TSHZ2: variants seen among roughly 807,000 people sequenced by gnomAD.
The protein encoded by TSHZ2 is teashirt homolog 2.
Under a neutral mutation model 74.4 loss-of-function variants are expected in TSHZ2, and 21 were observed. That is an observed-to-expected ratio of 0.28 (90% CI 0.20 to 0.41). The LOEUF (loss-of-function observed/expected upper bound fraction) is 0.41. Among genes scored for constraint, TSHZ2 ranks in the 10% least tolerant of loss-of-function variants. The pLI is 1.00. For missense variants in TSHZ2, 1,244 were observed against 1,293.5 expected (o/e 0.96, Z 0.59); for synonymous variants, 540 against 515.3 (o/e 1.05, Z -0.65).
intron 2 of TSHZ2, among the ~76,000 whole-genome samples, chr20:53,296,035 CAAAAAAA>C (rs35311773): frequency 2.0e-5 from 2 of 97,888 alleles, no homozygotes; most frequent in Admixed American, 1.1e-4. Context: ...GTAATGACTG[CAAAAAAA>C]AAAAAAAAAA....
At chr20:53,123,135 T>C (rs1347829936) in intron 1 of TSHZ2, among the ~76,000 whole-genome samples, 1 of 152,260 alleles carries the variant, frequency 6.6e-6, no homozygotes, top group East Asian at 1.9e-4. Flanking sequence ...AGCTCTGTGC[T>C]GGATCTCAGT....
At chr20:53,262,644 G>C (rs567184460) in intron 2 of TSHZ2, among the ~76,000 whole-genome samples, 4 of 152,202 alleles carry the variant, frequency 2.6e-5, no homozygotes, top group Admixed American at 6.5e-5. Context: ...TTTTAAATCA[G>C]TCATGATGCC....
chr20:53,337,412 G>T (rs943720733), intron 2 of TSHZ2, among the ~76,000 whole-genome samples: 7 of 152,146 alleles, frequency 4.6e-5, no homozygotes, highest in Admixed American at 4.6e-4. Context: ...TTCTAACAAG[G>T]TTTTGCCTTT....
chr20:53,393,830 A>G (rs745476662), intron 2 of TSHZ2, among the ~76,000 whole-genome samples: 4 of 152,218 alleles, frequency 2.6e-5, no homozygotes, highest in Admixed American at 2.0e-4. Flanking sequence ...GGACTCTACT[A>G]TTTTTACAGC....
intron 1 of TSHZ2, among the ~76,000 whole-genome samples, chr20:53,092,570 A>G (rs1985915360): frequency 6.6e-6 from 1 of 152,200 alleles, no homozygotes; most frequent in African/African-American, 2.4e-5. Flanking sequence ...GTCACATGCT[A>G]TGTCTTTAGT....
At chr20:53,306,643 G>A (rs1978557959) in intron 2 of TSHZ2, among the ~76,000 whole-genome samples, 1 of 152,150 alleles carries the variant, frequency 6.6e-6, no homozygotes, top group Admixed American at 6.5e-5. Context: ...CTTGCCATTG[G>A]CAGCAAAGAT....
At chr20:53,438,604 A>G (rs369491549) in intron 2 of TSHZ2, among the ~76,000 whole-genome samples, 1 of 152,182 alleles carries the variant, frequency 6.6e-6, no homozygotes, top group African/African-American at 2.4e-5. Flanking sequence ...GTAGCTTGGA[A>G]GTGGGGTGAG....
chr20:53,230,794 A>G (rs908626539), intron 1 of TSHZ2, among the ~76,000 whole-genome samples: 1 of 152,058 alleles, frequency 6.6e-6, no homozygotes, highest in African/African-American at 2.4e-5. Context: ...CAGGAGGCTG[A>G]GGCAGGAGAA....
chr20:53,368,232 C>T (rs1981341256), intron 2 of TSHZ2, among the ~76,000 whole-genome samples: 1 of 151,588 alleles, frequency 6.6e-6, no homozygotes, highest in Admixed American at 6.6e-5. Flanking sequence ...GATCTTTACA[C>T]AGAACGATCA....
At chr20:53,010,477 C>A (rs1399925124) in intron 1 of TSHZ2, among the ~76,000 whole-genome samples, 1 of 152,064 alleles carries the variant, frequency 6.6e-6, no homozygotes, top group African/African-American at 2.4e-5. Flanking sequence ...TGGTTAGAAC[C>A]AGCTGGATGC....
At chr20:53,409,924 G>A (rs1982991949) in intron 2 of TSHZ2, among the ~76,000 whole-genome samples, 1 of 123,720 alleles carries the variant, frequency 8.1e-6, no homozygotes, top group Admixed American at 1.1e-4. Context: ...TCGGCTCACT[G>A]CAAACTCTGC....
chr20:53,183,670 G>T (rs1251282730), intron 1 of TSHZ2, among the ~76,000 whole-genome samples: 1 of 152,212 alleles, frequency 6.6e-6, no homozygotes, highest in Non-Finnish European at 1.5e-5. Context: ...TTCCTGGAAT[G>T]CAGGATAAGA....
intron 2 of TSHZ2, among the ~76,000 whole-genome samples, chr20:53,293,503 G>T (rs1991318623): frequency 6.6e-6 from 1 of 151,914 alleles, no homozygotes; most frequent in Admixed American, 6.6e-5. Flanking sequence ...AGAATTCCAG[G>T]TTATTCTTCA....
chr20:53,462,568 C>G (rs1037043514), intron 2 of TSHZ2, among the ~76,000 whole-genome samples: 3 of 152,344 alleles, frequency 2.0e-5, no homozygotes, highest in Non-Finnish European at 4.4e-5. Context: ...ACCTTCTACG[C>G]AAGCTTCCCA....
intron 1 of TSHZ2, among the ~76,000 whole-genome samples, chr20:53,070,958 G>A (rs1985154459): frequency 6.6e-6 from 1 of 152,196 alleles, no homozygotes; most frequent in African/African-American, 2.4e-5. Flanking sequence ...ACTAGACACT[G>A]AGGTGTTTAA....
At chr20:53,403,929 A>G (rs1296843657) in intron 2 of TSHZ2, among the ~76,000 whole-genome samples, 1 of 152,168 alleles carries the variant, frequency 6.6e-6, no homozygotes, top group Non-Finnish European at 1.5e-5. Context: ...GTTATAATTA[A>G]ATAAAATAAA....
intron 1 of TSHZ2, among the ~76,000 whole-genome samples, chr20:53,124,638 T>C (rs987444698): frequency 3.9e-5 from 6 of 152,244 alleles, no homozygotes. Flanking sequence ...AGTCATCATA[T>C]AGCAATAAAG....
chr20:53,190,131 A>AT (rs1263239847), intron 1 of TSHZ2, among the ~76,000 whole-genome samples: 2 of 87,026 alleles, frequency 2.3e-5, no homozygotes, highest in African/African-American at 9.6e-5. Context: ...ATATATATAT[A>AT]TATATATTTT....
chr20:53,441,730 T>C (rs1195065428), intron 2 of TSHZ2, among the ~76,000 whole-genome samples: 1 of 152,050 alleles, frequency 6.6e-6, no homozygotes, highest in African/African-American at 2.4e-5. Flanking sequence ...TACAGGCATG[T>C]GCCACCTTGC....
Sources: allele counts gnomAD v4.1 joint callset (sites outside exome capture counted in the v4.1 genomes callset), GRCh38; gene constraint gnomAD v4.1.1; transcripts MANE v1.5; gene names NCBI Gene and HGNC (gene_info 2026-07-23, HGNC 2026-07-21).